LRRC41: variants seen among roughly 807,000 people sequenced by gnomAD.
LRRC41 encodes leucine-rich repeat-containing protein 41.
LRRC41 carries 17 observed loss-of-function variants against 72.1 expected under a neutral mutation model. The observed-to-expected ratio is 0.24, with a 90% CI of 0.16 to 0.35. The LOEUF (loss-of-function observed/expected upper bound fraction) is 0.35, where lower values mean the gene tolerates loss of function less well. LRRC41 is among the 10% of genes least tolerant of loss of function. The pLI is 1.00. For missense variants in LRRC41, 759 were observed against 1,065.0 expected (o/e 0.71, Z 4.00); for synonymous variants, 427 against 431.0 (o/e 0.99, Z 0.11).
In LRRC41 at chr1:46,302,348, C is replaced by A. The variant is rs956923054; in HGVS notation, c.199+776G>T. 10 of 985,376 alleles carry A rather than the reference C, an allele frequency of 1.0e-5. No homozygotes were observed. The African/African-American group carries it at 1.6e-4, about 15-fold the overall frequency. 61.0% of individuals were successfully genotyped at this position (985,376 alleles called of 1,614,324 possible). A position where few individuals can be genotyped will look rare whatever the true frequency, so the allele number is the denominator to read the frequency against. ...CTCGCTTGTTTAAGCCGCTCCGGGC[C>A]CCCCTCCACTCGCTCTCCGGTCCCT... On this transcript the variant is annotated intron_variant, in intron 1 of 9. Transcript: ENST00000617190. The surrounding 1 kb of genome is among the most constrained non-coding windows in gnomAD (Gnocchi z 4.7).
At chr1:46,283,705 A>G (rs1010449717) in intron 4 of LRRC41, among the ~76,000 whole-genome samples, 8 of 151,442 alleles carry the variant, frequency 5.3e-5, no homozygotes, top group African/African-American at 2.0e-4. Context: ...GAGGAGGAGA[A>G]AACTTTTTTT....
intron 3 of LRRC41, among the ~76,000 whole-genome samples, chr1:46,291,554 T>TG (rs1661017123): frequency 7.6e-6 from 1 of 130,766 alleles, no homozygotes; most frequent in Non-Finnish European, 1.7e-5. Context: ...CCCAGCTGGT[T>TG]TTTTTTTTTT....
In LRRC41 at chr1:46,302,308, GTC is replaced by G; in HGVS notation, c.199+814_199+815del. 1.0e-6 allele frequency: 1 copy of G among 985,324 alleles called. No homozygotes were observed. Among genetic ancestry groups the G allele is most frequent in the Non-Finnish European group, 1.2e-6 (1 of 829,886 alleles). 61.0% of individuals were successfully genotyped at this position (985,324 alleles called of 1,614,324 possible). A position where few individuals can be genotyped will look rare whatever the true frequency, so the allele number is the denominator to read the frequency against. On this transcript the variant is annotated intron_variant, in intron 1 of 9. Transcript: ENST00000617190. This position sits in a 1 kb window ranked among gnomAD's most constrained non-coding sequence, Gnocchi z 4.7. The stretch of plus-strand genomic sequence containing the variant: ...CCTCCTTGGCCCTTCCCGCCTGTCC[GTC>G]ATTCGAGCCTCCCTCGCTTGTTTAA...
At position 46,286,066 on chromosome 1, in the gene LRRC41, C is replaced by A. The variant is rs780973721; in HGVS notation, c.791G>T (p.Arg264Leu). The A allele has an allele frequency of 1.9e-6, 3 of 1,608,204 alleles. No individual in the cohort carries two copies. Among genetic ancestry groups the A allele is most frequent in the Non-Finnish European group, 1.7e-6 (2 of 1,175,886 alleles). The change falls in exon 4 of 10, where the codon CGC becomes CTC. Residue 264 changes from arginine to leucine, a missense_variant. This residue lies in a region of LRRC41 where 427 missense variants were observed against 520.9 expected (regional missense o/e 0.82). Coordinates refer to ENST00000617190, the MANE Select transcript of LRRC41 (RefSeq NM_006369.5). The surrounding 1 kb of genome is among the most constrained non-coding windows in gnomAD (Gnocchi z 5.5). Reference sequence around the variant, plus strand: ...GCCTCGGGAGGCCTCTCCACAGAGGCGGCAGGGTGGGCCACCAGGCCCTGG... The same window carrying A: ...GCCTCGGGAGGCCTCTCCACAGAGGAGGCAGGGTGGGCCACCAGGCCCTGG... ...WQPGPGGPPC[R>L]LCGEASRGRA...
chr1:46,277,886 G>A lies in LRRC41; in HGVS notation c.*979C>T, dbSNP rs1344786275. 1 of 1,613,966 alleles carries A rather than the reference G, an allele frequency of 6.2e-7. No homozygotes were observed. Among genetic ancestry groups the A allele is most frequent in the Admixed American group, 1.7e-5 (1 of 59,994 alleles). On this transcript the variant is annotated 3_prime_UTR_variant, in exon 10 of 10. Coordinates refer to ENST00000617190, the MANE Select transcript of LRRC41 (RefSeq NM_006369.5). ...GAAGGCACTGAGCAGCTGTGTGGTG[G>A]ATGAGGAGCAGGATGTAGAGCGCCA...
intron 1 of LRRC41, among the ~76,000 whole-genome samples, chr1:46,301,503 G>A (rs1661222212): frequency 6.6e-6 from 1 of 151,726 alleles, no homozygotes; most frequent in South Asian, 2.1e-4. Context: ...TCCGCACACC[G>A]GCCGACTTCT....
Position 46,285,588 on chromosome 1 carries a change from C to CTCAATA in LRRC41, c.1268_1269insTATTGA (p.Gly422_Glu423insAspIle). ...TCTCCATCTCTTCGCCATCCTCCTTCTCGCCAGCCACAATAAAAACGAAGT... is the reference window on the plus strand; with the variant it reads ...TCTCCATCTCTTCGCCATCCTCCTTCTCAATATCGCCAGCCACAATAAAAACGAAGT... On this transcript the variant is annotated inframe_insertion, in exon 4 of 10. Transcript: ENST00000617190. This position sits in a 1 kb window ranked among gnomAD's most constrained non-coding sequence, Gnocchi z 5.3. 6.2e-7 allele frequency: 1 copy of CTCAATA among 1,613,642 alleles called. No homozygotes were observed.
intron 4 of LRRC41, among the ~76,000 whole-genome samples, chr1:46,283,800 G>A (rs2148314844): frequency 6.6e-6 from 1 of 151,840 alleles, no homozygotes; most frequent in South Asian, 2.1e-4. Context: ...TGAGTAGCTG[G>A]GATTACAGGC....
In LRRC41 at chr1:46,279,714, G is replaced by T; in HGVS notation, c.2021-100C>A. 7.2e-7 allele frequency: 1 copy of T among 1,382,226 alleles called. No homozygotes were observed. Among genetic ancestry groups the T allele is most frequent in the Non-Finnish European group, 1.0e-6 (1 of 1,000,230 alleles). The allele number at this position is 1,382,226 out of a possible 1,614,324, so 85.6% of individuals were successfully genotyped here. A position where few individuals can be genotyped will look rare whatever the true frequency, so the allele number is the denominator to read the frequency against. ...TAGCAAGGGGTATTAACATTATAGA[G>T]GCCCAAAAAGAGGAAGGAATTTGTC... On this transcript the variant is annotated intron_variant, in intron 7 of 9. Coordinates refer to ENST00000617190, the MANE Select transcript of LRRC41 (RefSeq NM_006369.5). This position sits in a 1 kb window ranked among gnomAD's most constrained non-coding sequence, Gnocchi z 4.5.
At position 46,285,427 on chromosome 1, in the gene LRRC41, G is replaced by A; in HGVS notation, c.1430C>T (p.Ala477Val). Residue 477 changes from alanine to valine, a missense_variant, in exon 4 of 10, where the codon GCC becomes GTC. This residue lies in a region of LRRC41 where 427 missense variants were observed against 520.9 expected (regional missense o/e 0.82). Coordinates refer to ENST00000617190, the MANE Select transcript of LRRC41 (RefSeq NM_006369.5). The surrounding 1 kb of genome is among the most constrained non-coding windows in gnomAD (Gnocchi z 5.3). ...GCTCAGCAGGTGGCATAGTGTCAGG[G>A]CTGCCTCTGTGGAGAGTGGAACTGT... ...LFTVPLSTEA[A>V]LTLCHLLSSW... 1 of 1,614,200 alleles carries A rather than the reference G, an allele frequency of 6.2e-7. No individual in the cohort carries two copies. The highest frequency in any genetic ancestry group is 8.5e-7 in the Non-Finnish European group (1 of 1,180,036).
At position 46,279,141 on chromosome 1, in the gene LRRC41, T is replaced by G; in HGVS notation, c.2219+41A>C. On this transcript the variant is annotated intron_variant, in intron 9 of 9. Transcript: ENST00000617190. The surrounding 1 kb of genome is among the most constrained non-coding windows in gnomAD (Gnocchi z 4.5). ...AAGCAGTGAATTCCTGGTCTATATC[T>G]CTGTAGCCCCATCCCTTGTCTTGCC... The G allele has an allele frequency of 6.2e-7, 1 of 1,612,290 alleles. No individual in the cohort carries two copies. The highest frequency in any genetic ancestry group is 8.5e-7 in the Non-Finnish European group (1 of 1,178,606).
rs1268550706 is a variant in LRRC41 at position 46,278,514 on chromosome 1, G to A, written c.*351C>T. 2 of 635,136 alleles carry A rather than the reference G, an allele frequency of 3.1e-6. No individual in the cohort carries two copies. Among genetic ancestry groups the A allele is most frequent in the Non-Finnish European group, 5.4e-6 (2 of 367,948 alleles). 39.3% of individuals were successfully genotyped at this position (635,136 alleles called of 1,614,324 possible). ...GTGTGGTAAGCCCAGCAGGGAAGAA[G>A]CCCCCTATACTTCTCTAAAGCCTGG... is the stretch of plus-strand genomic sequence containing the variant. On this transcript the variant is annotated 3_prime_UTR_variant, in exon 10 of 10. Transcript: ENST00000617190.
chr1:46,280,663 T>C, intron 5 of LRRC41, 103 bp from the exon 6 acceptor site: 3 of 1,222,922 alleles, frequency 2.5e-6, no homozygotes, highest in Non-Finnish European at 3.4e-6. Context: ...AATTATTTAT[T>C]CATTCACTTG....
At chr1:46,280,685 C>T (rs945537718) in intron 5 of LRRC41, 125 bp from the exon 6 acceptor site, 2 of 912,234 alleles carry the variant, frequency 2.2e-6, no homozygotes, top group East Asian at 2.6e-5. Flanking sequence ...CGTTGAGTGC[C>T]TACCATATGT....
chr1:46,285,353 GGTGCTCACCATTGTAGGAGAGT>G lies in LRRC41; in HGVS notation c.1482_1495+8del. On this transcript the variant is annotated splice_donor_variant and splice_donor_5th_base_variant and coding_sequence_variant and intron_variant, in exon 4 of 10. Transcript: ENST00000617190. LOFTEE classifies it high-confidence loss of function. This position sits in a 1 kb window ranked among gnomAD's most constrained non-coding sequence, Gnocchi z 5.3. Reference sequence around the variant, plus strand: ...CTAAGCCCAATCCCTGCCACTCCAGGGTGCTCACCATTGTAGGAGAGTGTGAGGCTCTCCAGTGACACCCAGG... The same window carrying G: ...CTAAGCCCAATCCCTGCCACTCCAGGGTGAGGCTCTCCAGTGACACCCAGG... 6.2e-7 allele frequency: 1 copy of G among 1,613,706 alleles called. No individual in the cohort carries two copies. Among genetic ancestry groups the G allele is most frequent in the South Asian group, 1.1e-5 (1 of 90,994 alleles).
chr1:46,300,805 A>G (rs1661207136), intron 1 of LRRC41: 1 of 152,336 alleles, frequency 6.6e-6, no homozygotes, highest in African/African-American at 2.4e-5. Flanking sequence ...CACTACCTCC[A>G]GGAAGCCTTT....
rs1488888764 is a variant in LRRC41, at chr1:46,293,643, T to C, written c.357+3920A>G. Among the ~76,000 whole-genome samples, 5 of 151,676 alleles carry C rather than the reference T, an allele frequency of 3.3e-5. No homozygotes were observed. In the East Asian group the frequency reaches 9.7e-4, roughly 30 times the overall value. ...GGAGTGCAATGGAGCGATCTAGTCT[T>C]ACTGCAACCTCTGCCTCTTGGGTTC... On this transcript the variant is annotated intron_variant, in intron 3 of 9. Coordinates refer to ENST00000617190, the MANE Select transcript of LRRC41 (RefSeq NM_006369.5).
chr1:46,293,271 A>G (rs1429783430), intron 3 of LRRC41, among the ~76,000 whole-genome samples: 2 of 150,182 alleles, frequency 1.3e-5, no homozygotes, highest in Non-Finnish European at 2.9e-5. Context: ...CTCTTTTTTA[A>G]GACAGGTTAT....
In LRRC41 at chr1:46,286,066, C is replaced by T. The variant is rs780973721; in HGVS notation, c.791G>A (p.Arg264His). 6 of 1,608,206 alleles carry T rather than the reference C, an allele frequency of 3.7e-6. No individual in the cohort carries two copies. The highest frequency in any genetic ancestry group is 1.7e-5 in the Admixed American group (1 of 59,796). The change falls in exon 4 of 10, where the codon CGC (arginine) becomes CAC (histidine). Residue 264 changes from arginine to histidine, a missense_variant. Coordinates refer to ENST00000617190, the MANE Select transcript of LRRC41 (RefSeq NM_006369.5). This position sits in a 1 kb window ranked among gnomAD's most constrained non-coding sequence, Gnocchi z 5.5. ...GCCTCGGGAGGCCTCTCCACAGAGG[C>T]GGCAGGGTGGGCCACCAGGCCCTGG... is the stretch of plus-strand genomic sequence containing the variant. ...WQPGPGGPPC[R>H]LCGEASRGRA...
Sources: allele counts gnomAD v4.1 joint callset (sites outside exome capture counted in the v4.1 genomes callset), GRCh38; gene constraint gnomAD v4.1.1; regional missense constraint gnomAD v4.1.1; non-coding constraint Gnocchi (gnomAD v3.1); transcripts MANE v1.5; gene names NCBI Gene and HGNC (gene_info 2026-07-23, HGNC 2026-07-21).